The following CLDN16 variants were observed in gnomAD, a reference collection of about 807,000 sequenced individuals.
CLDN16 encodes claudin 16, also known as claudin-16.
In CLDN16, 13 loss-of-function variants were observed where a neutral mutation model predicts 24.6. The observed-to-expected ratio is 0.53, with a 90% CI of 0.34 to 0.84. CLDN16 has a LOEUF of 0.84. CLDN16 is among the 40% of genes least tolerant of loss of function. The pLI is 0.01. For synonymous variants in CLDN16, 116 were observed against 106.7 expected (o/e 1.09, Z -0.54); for missense variants, 298 against 292.7 (o/e 1.02, Z -0.13).
At chr3:190,387,185 A>C (rs1270591138), upstream of CLDN16, among the ~76,000 whole-genome samples, 1 of 152,154 alleles carries the variant, frequency 6.6e-6, no homozygotes, top group Non-Finnish European at 1.5e-5. Flanking sequence ...AGTCTACCTG[A>C]TGAAGAGAAA....
intron 1 of CLDN16, among the ~76,000 whole-genome samples, chr3:190,335,242 C>T (rs1001804412): frequency 6.6e-6 from 1 of 151,824 alleles, no homozygotes; most frequent in African/African-American, 2.4e-5. Flanking sequence ...CGGAGTTTCA[C>T]CACGTTGGCC....
intron 1 of CLDN16, among the ~76,000 whole-genome samples, chr3:190,396,678 A>G (rs537241477): frequency 6.6e-6 from 1 of 152,302 alleles, no homozygotes; most frequent in Non-Finnish European, 1.5e-5. Flanking sequence ...GATGACCTAT[A>G]ATTGCACATA....
chr3:190,328,737 A>C (rs1231161193), intron 1 of CLDN16, among the ~76,000 whole-genome samples: 1 of 152,144 alleles, frequency 6.6e-6, no homozygotes, highest in African/African-American at 2.4e-5. Flanking sequence ...GGTGAGTTGC[A>C]TCTCAAGTTT....
intron 1 of CLDN16, among the ~76,000 whole-genome samples, chr3:190,334,338 T>G (rs987063949): frequency 6.6e-6 from 1 of 152,218 alleles, no homozygotes; most frequent in African/African-American, 2.4e-5. Context: ...GAAATTTGAC[T>G]GGAGTATATG....
At chr3:190,393,487 A>G (rs1718732191) in intron 1 of CLDN16, among the ~76,000 whole-genome samples, 1 of 152,222 alleles carries the variant, frequency 6.6e-6, no homozygotes. Context: ...TACACACATC[A>G]TAAGTTTCTT....
chr3:190,366,794 G>A (rs747606448), intron 1 of CLDN16, among the ~76,000 whole-genome samples: 6 of 151,884 alleles, frequency 4.0e-5, no homozygotes, highest in East Asian at 1.9e-4. Flanking sequence ...CAGAGCAGTC[G>A]CTAGAGAGGA....
intron 1 of CLDN16, among the ~76,000 whole-genome samples, chr3:190,370,479 G>A (rs200996523): frequency 7.7e-4 from 117 of 151,948 alleles, no homozygotes; most frequent in African/African-American, 2.7e-3. Flanking sequence ...ATTACGGCTT[G>A]GTTGTAAAAA....
chr3:190,408,492 A>G lies in CLDN16; in HGVS notation c.561A>G (p.Leu187=). The change falls in exon 4 of 5, where the codon TTA becomes TTG. Residue 187 remains leucine, a synonymous_variant. Transcript: ENST00000264734. ...CTGGAGCTGTTCTCACCTGCTGCTT[A>G]TATCTTTTTAAAGGTAAGAATAAAA... ...FLAGAVLTCC[L]YLFKDVGPER... The G allele has an allele frequency of 1.2e-6, 2 of 1,613,942 alleles. No homozygotes were observed. Among genetic ancestry groups the G allele is most frequent in the Non-Finnish European group, 1.7e-6 (2 of 1,179,934 alleles).
In CLDN16 at chr3:190,410,746, T is replaced by C. The variant is rs531851017; in HGVS notation, c.*710T>C. 2 of 152,294 alleles carry C rather than the reference T, an allele frequency of 1.3e-5. No homozygotes were observed. The highest frequency in any genetic ancestry group is 1.9e-4 in the East Asian group (1 of 5,182). The allele number at this position is 152,294 out of a possible 1,614,324, so 9.4% of individuals were successfully genotyped here. On this transcript the variant is annotated 3_prime_UTR_variant, in exon 5 of 5. Transcript: ENST00000264734. ...TTCACCACTATTCTAGCTTTGCTGATATATTGCCAAATGATTAGACTACAG... is the reference window on the plus strand; with the variant it reads ...TTCACCACTATTCTAGCTTTGCTGACATATTGCCAAATGATTAGACTACAG...
chr3:190,408,886 A>C (rs886111943), intron 4 of CLDN16, among the ~76,000 whole-genome samples: 4 of 148,574 alleles, frequency 2.7e-5, no homozygotes, highest in Non-Finnish European at 5.9e-5. Context: ...CATACTGTAT[A>C]TATACCCTTG....
chr3:190,314,914 G>A, the CLDN16 span, among the ~76,000 whole-genome samples: 2 of 152,096 alleles, frequency 1.3e-5, no homozygotes, highest in Admixed American at 1.3e-4. Context: ...CAGAGGAACT[G>A]CTGGATCAAA....
chr3:190,355,038 A>G lies in CLDN16; in HGVS notation n.122-15855A>G, dbSNP rs1560086155. Among the ~76,000 whole-genome samples, 7 of 152,042 alleles carry G rather than the reference A, an allele frequency of 4.6e-5. No individual in the cohort carries two copies. The South Asian group carries it at 1.4e-3, about 31-fold the overall frequency. On this transcript the variant is annotated intron_variant and non_coding_transcript_variant, in intron 1 of 4. Coordinates refer to the CLDN16 transcript ENST00000468220. ...AATGGTTTTTTCTTGGCACTGTTAT[A>G]TTCATCTGAAGAAAAGTAACTAAAA... is the stretch of plus-strand genomic sequence containing the variant.
At chr3:190,409,452 T>G (rs1007499366) in intron 4 of CLDN16, among the ~76,000 whole-genome samples, 1 of 151,900 alleles carries the variant, frequency 6.6e-6, no homozygotes, top group African/African-American at 2.4e-5. Flanking sequence ...CATTTGAATA[T>G]TGGACATGGT....
At chr3:190,387,663 G>A (rs1001140815), upstream of CLDN16, among the ~76,000 whole-genome samples, 15 of 152,112 alleles carry the variant, frequency 9.9e-5, no homozygotes, top group South Asian at 2.1e-4. Context: ...CCCACTCTAC[G>A]ATGCTGAAAG....
chr3:190,295,376 C>G, the CLDN16 span, among the ~76,000 whole-genome samples: 1 of 152,112 alleles, frequency 6.6e-6, no homozygotes, highest in African/African-American at 2.4e-5. Flanking sequence ...CTTAACAAAC[C>G]TATGGCTTAG....
At chr3:190,342,650 A>G (rs909299434) in intron 1 of CLDN16, among the ~76,000 whole-genome samples, 3 of 152,354 alleles carry the variant, frequency 2.0e-5, no homozygotes, top group African/African-American at 7.2e-5. Context: ...GAGAGTCCCA[A>G]AATAAATCCA....
At chr3:190,303,852 A>G in the CLDN16 span, among the ~76,000 whole-genome samples, 1 of 151,870 alleles carries the variant, frequency 6.6e-6, no homozygotes, top group Admixed American at 6.6e-5. Flanking sequence ...AAAGCATCTG[A>G]AGGACCACCT....
chr3:190,308,470 CA>C, the CLDN16 span: 1 of 1,609,826 alleles, frequency 6.2e-7, no homozygotes, highest in East Asian at 2.2e-5. Flanking sequence ...GCTTGTTAAT[CA>C]GTGAATTATT....
intron 1 of CLDN16, among the ~76,000 whole-genome samples, chr3:190,390,683 C>G (rs1036169753): frequency 5.3e-5 from 8 of 152,170 alleles, no homozygotes; most frequent in African/African-American, 1.7e-4. Context: ...ATATTTTCCA[C>G]AAATTTGAAG....
Sources: gnomAD v4.1 joint callset for allele counts (sites outside exome capture counted in the v4.1 genomes callset) on GRCh38, gnomAD v4.1.1 for gene constraint, MANE v1.5 for transcripts, NCBI Gene and HGNC (gene_info 2026-07-23, HGNC 2026-07-21) for gene names.